The following NME7 variants were observed in gnomAD, a reference collection of about 807,000 sequenced individuals.
NME7 encodes the protein nucleoside diphosphate kinase 7.
Under a neutral mutation model 49.1 loss-of-function variants are expected in NME7, and 41 were observed. The ratio of observed to expected loss-of-function variants is 0.83; its 90% CI spans 0.65 to 1.08. NME7 has a LOEUF of 1.08. Ranked by LOEUF, NME7 falls within the 50% of genes least tolerant of loss-of-function variation. NME7 has a pLI of 0.00. For missense variants in NME7, 423 were observed against 463.4 expected (o/e 0.91, Z 0.80); for synonymous variants, 139 against 150.6 (o/e 0.92, Z 0.56).
At chr1:169,210,154 C>T (rs1660770668) in intron 10 of NME7, among the ~76,000 whole-genome samples, 1 of 152,086 alleles carries the variant, frequency 6.6e-6, no homozygotes. Context: ...AAATCTCAAT[C>T]TAACAAAAAT....
chr1:169,283,099 C>T (rs1650099392), intron 7 of NME7, among the ~76,000 whole-genome samples: 1 of 152,044 alleles, frequency 6.6e-6, no homozygotes, highest in Non-Finnish European at 1.5e-5. Flanking sequence ...TTGTAGGCCT[C>T]TAAGCATGTA....
At chr1:169,135,650 A>G (rs1658406302) in intron 11 of NME7, among the ~76,000 whole-genome samples, 1 of 152,172 alleles carries the variant, frequency 6.6e-6, no homozygotes, top group African/African-American at 2.4e-5. Flanking sequence ...CTCTACACTG[A>G]GAAAGATGAT....
At chr1:169,335,615 G>A (rs1652428815) in intron 1 of NME7, among the ~76,000 whole-genome samples, 1 of 151,278 alleles carries the variant, frequency 6.6e-6, no homozygotes, top group Admixed American at 6.6e-5. Flanking sequence ...AATCACCATG[G>A]CACATGTGTA....
intron 10 of NME7, among the ~76,000 whole-genome samples, chr1:169,224,504 A>G (rs4656666): frequency 0.38 from 57,278 of 151,812 alleles, 11,507 homozygotes; most frequent in East Asian, 0.79. Flanking sequence ...TCATATATGT[A>G]TATATATGAA....
At chr1:169,271,012 CTTGT>C (rs1020936585) in intron 7 of NME7, among the ~76,000 whole-genome samples, 1 of 133,576 alleles carries the variant, frequency 7.5e-6, no homozygotes, top group African/African-American at 2.5e-5. Context: ...GAACATTCAC[CTTGT>C]TTTTCTTTCC....
At chr1:169,343,452 A>T (rs1652849207) in intron 1 of NME7, among the ~76,000 whole-genome samples, 1 of 151,810 alleles carries the variant, frequency 6.6e-6, no homozygotes, top group Non-Finnish European at 1.5e-5. Context: ...CTGTTCCACT[A>T]ATCTATATGT....
intron 7 of NME7, among the ~76,000 whole-genome samples, chr1:169,251,558 TTTC>T (rs1206176787): frequency 7.8e-6 from 1 of 127,730 alleles, no homozygotes; most frequent in Non-Finnish European, 1.8e-5. Flanking sequence ...TTTTTTTTTT[TTTC>T]TTTTTTTTTT....
At chr1:169,162,152 A>G (rs533724177) in intron 11 of NME7, among the ~76,000 whole-genome samples, 1 of 152,212 alleles carries the variant, frequency 6.6e-6, no homozygotes, top group African/African-American at 2.4e-5. Context: ...ATTGTCCATA[A>G]AAACCTTAAC....
chr1:169,288,662 C>T (rs1378080907), intron 6 of NME7, among the ~76,000 whole-genome samples: 2 of 152,134 alleles, frequency 1.3e-5, no homozygotes, highest in African/African-American at 4.8e-5. Flanking sequence ...GTAGTGTATA[C>T]ACCTGAGCAT....
chr1:169,284,782 C>T (rs986293067), intron 7 of NME7: 5 of 151,886 alleles, frequency 3.3e-5, no homozygotes, highest in East Asian at 1.9e-4. Flanking sequence ...GAAGGGGTCC[C>T]GTGTCAATTT....
intron 7 of NME7, among the ~76,000 whole-genome samples, chr1:169,244,189 C>T (rs1340242667): frequency 6.6e-6 from 1 of 152,068 alleles, no homozygotes; most frequent in East Asian, 1.9e-4. Flanking sequence ...AGGATCATCA[C>T]TTAACTTACT....
chr1:169,298,910 G>T, intron 5 of NME7, 147 bp from the exon 6 acceptor site: 1 of 733,460 alleles, frequency 1.4e-6, no homozygotes, highest in Non-Finnish European at 2.2e-6. Flanking sequence ...AATTTTACAT[G>T]GGCAGGAGAA....
At chr1:169,209,714 T>C (rs566919299) in intron 10 of NME7, among the ~76,000 whole-genome samples, 1 of 152,128 alleles carries the variant, frequency 6.6e-6, no homozygotes, top group Non-Finnish European at 1.5e-5. Context: ...TCAGAGTAAA[T>C]ATAAACTAGT....
At chr1:169,181,029 A>G (rs1659910712) in intron 10 of NME7, among the ~76,000 whole-genome samples, 1 of 152,156 alleles carries the variant, frequency 6.6e-6, no homozygotes. Context: ...TAATATCTGC[A>G]GTATTAACCT....
intron 10 of NME7, among the ~76,000 whole-genome samples, chr1:169,215,296 A>G (rs1483969630): frequency 6.6e-6 from 1 of 152,140 alleles, no homozygotes; most frequent in Admixed American, 6.5e-5. Flanking sequence ...TGGGGTCTTT[A>G]TAGGCACAGG....
chr1:169,238,746 C>T (rs554712977), intron 7 of NME7, among the ~76,000 whole-genome samples: 1 of 152,060 alleles, frequency 6.6e-6, no homozygotes, highest in African/African-American at 2.4e-5. Context: ...CAAAGGTTCT[C>T]AGAAGCTCAA....
chr1:169,177,344 T>C (rs12025566), intron 10 of NME7, among the ~76,000 whole-genome samples: 12,593 of 152,236 alleles, frequency 0.083, 713 homozygotes, highest in Admixed American at 0.19. Context: ...TTAGATTTTA[T>C]ACTTGCTGGT....
intron 7 of NME7, among the ~76,000 whole-genome samples, chr1:169,252,350 A>G (rs1260761403): frequency 1.7e-4 from 26 of 152,108 alleles, no homozygotes; most frequent in Non-Finnish European, 2.9e-4. Flanking sequence ...TTGGCAGCAT[A>G]AATGTCTCCT....
At position 169,240,030 on chromosome 1, in the gene NME7, T is replaced by C. The variant is rs1244932028; in HGVS notation, c.755-2343A>G. ...TCTTAGATAGTACTGAAGACCTTTATATAGGTTATCTCTATCAATATTTAT... is the reference window on the plus strand; with the variant it reads ...TCTTAGATAGTACTGAAGACCTTTACATAGGTTATCTCTATCAATATTTAT... On this transcript the variant is annotated intron_variant, in intron 7 of 11. Transcript: ENST00000367811. 3.9e-5 allele frequency among the ~76,000 whole-genome samples: 6 copies of C among 152,100 alleles called. 1 individual carries two copies. In the South Asian group the frequency reaches 1.0e-3, roughly 26 times the overall value.
Sources: gnomAD v4.1 joint callset for allele counts (sites outside exome capture counted in the v4.1 genomes callset) on GRCh38, gnomAD v4.1.1 for gene constraint, MANE v1.5 for transcripts, NCBI Gene and HGNC (gene_info 2026-07-23, HGNC 2026-07-21) for gene names.